Variants in SGCZ observed in about 807,000 individuals in gnomAD.
SGCZ encodes the protein sarcoglycan zeta.
Under a neutral mutation model 41.3 loss-of-function variants are expected in SGCZ, and 40 were observed. That is an observed-to-expected ratio of 0.97 (90% confidence interval 0.75 to 1.26). The LOEUF (loss-of-function observed/expected upper bound fraction) is 1.26, where lower values mean the gene tolerates loss of function less well. SGCZ is among the 50% of genes most tolerant of loss of function. The pLI, the probability that SGCZ is intolerant of heterozygous loss-of-function variation, is 0.00. For synonymous variants in SGCZ, 206 were observed against 137.5 expected (o/e 1.50, Z -3.49); for missense variants, 552 against 369.8 (o/e 1.49, Z -4.04).
chr8:14,299,941 G>A (rs1319570), intron 3 of SGCZ, among the ~76,000 whole-genome samples: 143,560 of 151,972 alleles, frequency 0.94, 68,248 homozygotes, highest in Non-Finnish European at 1. Context: ...ATGATCAAAC[G>A]TGGATGAAAT....
intron 5 of SGCZ, among the ~76,000 whole-genome samples, chr8:14,114,019 G>A (rs1359606763): frequency 6.6e-6 from 1 of 151,932 alleles, no homozygotes; most frequent in Non-Finnish European, 1.5e-5. Context: ...CTGCCCAGTT[G>A]CCGCAGGTCC....
chr8:14,177,226 A>C (rs1804570353), intron 4 of SGCZ, among the ~76,000 whole-genome samples: 1 of 152,046 alleles, frequency 6.6e-6, no homozygotes, highest in South Asian at 2.1e-4. Flanking sequence ...CTATTGCAAA[A>C]AGCTACGATA....
intron 2 of SGCZ, among the ~76,000 whole-genome samples, chr8:14,467,313 T>G (rs1801078984): frequency 6.6e-6 from 1 of 152,036 alleles, no homozygotes; most frequent in Non-Finnish European, 1.5e-5. Context: ...TCCGTGAAAG[T>G]CACTTCAGCT....
Position 14,306,532 on chromosome 8 carries a change from G to A in SGCZ, c.336+17571C>T, listed in dbSNP as rs201878840. Among the ~76,000 whole-genome samples the A allele has an allele frequency of 2.6e-5, 4 of 152,098 alleles. No individual in the cohort carries two copies. In the East Asian group the frequency reaches 7.7e-4, roughly 29 times the overall value. On this transcript the variant is annotated intron_variant, in intron 3 of 7. Coordinates refer to ENST00000382080, the MANE Select transcript of SGCZ (RefSeq NM_139167.4). ...TACCTGGCATGAGCAGGAGTATTTT[G>A]ATTCTACTTCCCTGGTTTAATTTTT...
intron 1 of SGCZ, among the ~76,000 whole-genome samples, chr8:14,954,608 C>A (rs1800738044): frequency 6.6e-6 from 1 of 152,104 alleles, no homozygotes; most frequent in Non-Finnish European, 1.5e-5. Flanking sequence ...GAGCAAGGGA[C>A]CCAAAGAAGA....
chr8:14,810,303 G>A (rs950876252), intron 1 of SGCZ, among the ~76,000 whole-genome samples: 1 of 152,004 alleles, frequency 6.6e-6, no homozygotes, highest in African/African-American at 2.4e-5. Context: ...TTGTTAGCCT[G>A]AAGTAAGGTA....
At chr8:14,173,442 G>C (rs753617731) in intron 4 of SGCZ, among the ~76,000 whole-genome samples, 20 of 140,504 alleles carry the variant, frequency 1.4e-4, no homozygotes, top group African/African-American at 3.2e-4. Context: ...AAATGCATAG[G>C]GCTGAAAAAT....
chr8:14,849,771 A>C (rs1464493111), intron 1 of SGCZ, among the ~76,000 whole-genome samples: 1 of 152,188 alleles, frequency 6.6e-6, no homozygotes, highest in African/African-American at 2.4e-5. Flanking sequence ...CAATTAGTAC[A>C]TTTTAAATAT....
chr8:14,983,210 G>C (rs1359228846), intron 1 of SGCZ, among the ~76,000 whole-genome samples: 1 of 149,044 alleles, frequency 6.7e-6, no homozygotes, highest in Non-Finnish European at 1.5e-5. Context: ...TTTTGAGACA[G>C]GTTCTCACTC....
intron 1 of SGCZ, among the ~76,000 whole-genome samples, chr8:15,232,352 T>C (rs1366674903): frequency 6.6e-6 from 1 of 152,150 alleles, no homozygotes; most frequent in Non-Finnish European, 1.5e-5. Context: ...TTTGATGTAT[T>C]TTCAATTGGT....
In SGCZ at chr8:14,386,725, T is replaced by C. The variant is rs558397415; in HGVS notation, c.235-62521A>G. 1.4e-4 allele frequency among the ~76,000 whole-genome samples: 21 copies of C among 152,274 alleles called. No homozygotes were observed. The South Asian group carries it at 3.3e-3, about 24-fold the overall frequency. ...CTGCCAGAAGTTCATATTTCAAAAA[T>C]CTTAATTACAAATCTTAAAAACCAA... On this transcript the variant is annotated intron_variant, in intron 2 of 7. Coordinates refer to ENST00000382080, the MANE Select transcript of SGCZ (RefSeq NM_139167.4).
intron 1 of SGCZ, among the ~76,000 whole-genome samples, chr8:14,878,791 A>G (rs1366994542): frequency 2.0e-5 from 3 of 152,188 alleles, no homozygotes; most frequent in African/African-American, 7.2e-5. Flanking sequence ...AGAAAGTAGC[A>G]GTAATGAGAA....
rs1182679983 is a variant in SGCZ at position 14,784,902 on chromosome 8, C to CAAAAAAAAAAA, written c.40-229987_40-229977dup. On this transcript the variant is annotated intron_variant, in intron 1 of 7. Coordinates refer to ENST00000382080, the MANE Select transcript of SGCZ (RefSeq NM_139167.4). ...GGGTAACAAGAGTGAAACTCTGCCTCAAAAAAAAAAAATATATATATATAT... is the reference window on the plus strand; with the variant it reads ...GGGTAACAAGAGTGAAACTCTGCCTCAAAAAAAAAAAAAAAAAAAAAAATATATATATATAT... Among the ~76,000 whole-genome samples, 42 of 39,554 alleles carry CAAAAAAAAAAA rather than the reference C, an allele frequency of 1.1e-3. 5 individuals carry two copies. The highest frequency in any genetic ancestry group is 3.5e-3 in the East Asian group (3 of 850). 25.9% of individuals were successfully genotyped at this position (39,554 alleles called of 152,430 possible).
intron 1 of SGCZ, among the ~76,000 whole-genome samples, chr8:14,864,445 C>T (rs962248157): frequency 1.3e-5 from 2 of 152,088 alleles, no homozygotes; most frequent in African/African-American, 4.8e-5. Flanking sequence ...GAAAGGCTTA[C>T]TCAAATATCT....
chr8:15,152,234 A>G (rs1306758017), intron 1 of SGCZ, among the ~76,000 whole-genome samples: 2 of 152,218 alleles, frequency 1.3e-5, no homozygotes, highest in Non-Finnish European at 2.9e-5. Flanking sequence ...TTCCTTTACT[A>G]AGACTGGAAG....
intron 3 of SGCZ, among the ~76,000 whole-genome samples, chr8:14,262,189 A>G (rs1424245973): frequency 6.6e-6 from 1 of 152,178 alleles, no homozygotes; most frequent in Non-Finnish European, 1.5e-5. Flanking sequence ...AAGTAAAACC[A>G]TTAGCAATTT....
chr8:15,050,832 A>G (rs976746109), intron 1 of SGCZ, among the ~76,000 whole-genome samples: 7 of 152,166 alleles, frequency 4.6e-5, no homozygotes, highest in Non-Finnish European at 1.0e-4. Context: ...GTAGATAAAG[A>G]GAATATTGCA....
At chr8:14,418,164 C>T (rs948671656) in intron 2 of SGCZ, among the ~76,000 whole-genome samples, 1 of 151,872 alleles carries the variant, frequency 6.6e-6, no homozygotes, top group Non-Finnish European at 1.5e-5. Flanking sequence ...AGAAATTTTA[C>T]ATATTAAGAA....
chr8:15,013,861 T>C (rs1017754826), intron 1 of SGCZ, among the ~76,000 whole-genome samples: 1 of 152,184 alleles, frequency 6.6e-6, no homozygotes, highest in East Asian at 1.9e-4. Context: ...GTGGGAAGCA[T>C]AGAGACAAAG....
Sources: allele counts gnomAD v4.1 joint callset (sites outside exome capture counted in the v4.1 genomes callset), GRCh38; gene constraint gnomAD v4.1.1; transcripts MANE v1.5; gene names NCBI Gene and HGNC (gene_info 2026-07-23, HGNC 2026-07-21).